The following ST3GAL1 variants were observed in gnomAD, a reference collection of about 807,000 sequenced individuals.
ST3GAL1 encodes ST3 beta-galactoside alpha-2,3-sialyltransferase 1.
A neutral mutation model predicts 34.1 loss-of-function variants in ST3GAL1; 16 were observed. The ratio of observed to expected loss-of-function variants is 0.47; its 90% CI spans 0.32 to 0.71. The LOEUF (loss-of-function observed/expected upper bound fraction) is 0.71, where lower values mean the gene tolerates loss of function less well. Ranked by LOEUF, ST3GAL1 falls within the 30% of genes least tolerant of loss-of-function variation. The pLI, the probability that ST3GAL1 is intolerant of heterozygous loss-of-function variation, is 0.04. For missense variants in ST3GAL1, 353 were observed against 447.4 expected (o/e 0.79, Z 1.90); for synonymous variants, 191 against 184.7 (o/e 1.03, Z -0.28).
At chr8:133,513,193 C>A (rs1463461066) in intron 2 of ST3GAL1, among the ~76,000 whole-genome samples, 2 of 152,204 alleles carry the variant, frequency 1.3e-5, no homozygotes, top group Non-Finnish European at 2.9e-5. Flanking sequence ...CCCACCCCAG[C>A]CCTGCTGAAG....
In ST3GAL1 at chr8:133,543,225, A is replaced by G. The variant is rs367736335; in HGVS notation, c.-429+2549T>C. On this transcript the variant is annotated intron_variant, in intron 2 of 9. Transcript: ENST00000522652. ...CATCAGAAAAGCCAAAATTGAGTGC[A>G]TTCTATCAAATAACTGGCCTGAACT... Among the ~76,000 whole-genome samples the G allele has an allele frequency of 1.4e-4, 22 of 152,358 alleles. No individual in the cohort carries two copies. In the East Asian group the frequency reaches 2.3e-3, roughly 16 times the overall value.
In ST3GAL1 at chr8:133,475,982, G is replaced by A. The variant is rs1322042260; in HGVS notation, c.43C>T (p.Leu15Phe). 4.3e-6 allele frequency: 7 copies of A among 1,611,928 alleles called. No homozygotes were observed. Among genetic ancestry groups the A allele is most frequent in the Non-Finnish European group, 5.1e-6 (6 of 1,178,850 alleles). Reference sequence around the variant, plus strand: ...GAGGTGAGGAAGATGAAGAGCACGAGGAAGGTGAGCACTTTCAGGGTCCTC... The same window carrying A: ...GAGGTGAGGAAGATGAAGAGCACGAAGAAGGTGAGCACTTTCAGGGTCCTC... ...RKRTLKVLTF[L>F]VLFIFLTSFF... Residue 15 changes from leucine (L) to phenylalanine (F), a missense_variant, in exon 5 of 10, where the codon CTC becomes TTC. By Grantham distance (22) the Leu-to-Phe change is conservative. Transcript: ENST00000522652.
chr8:133,495,483 A>C (rs1480461512), intron 3 of ST3GAL1, among the ~76,000 whole-genome samples: 1 of 152,256 alleles, frequency 6.6e-6, no homozygotes, highest in African/African-American at 2.4e-5. Context: ...TTAAATTGTT[A>C]GACGTAGGAT....
intron 2 of ST3GAL1, among the ~76,000 whole-genome samples, chr8:133,542,236 G>C (rs1818556994): frequency 6.6e-6 from 1 of 152,114 alleles, no homozygotes; most frequent in South Asian, 2.1e-4. Context: ...CATTTTCCAT[G>C]GAAAGGAACC....
At chr8:133,497,362 A>T (rs1816983121) in intron 3 of ST3GAL1, among the ~76,000 whole-genome samples, 1 of 152,036 alleles carries the variant, frequency 6.6e-6, no homozygotes, top group Admixed American at 6.5e-5. Context: ...AAACTTCACC[A>T]AACACAGAAA....
intron 2 of ST3GAL1, among the ~76,000 whole-genome samples, chr8:133,520,438 T>C (rs978206703): frequency 5.9e-5 from 9 of 152,194 alleles, no homozygotes; most frequent in African/African-American, 1.4e-4. Context: ...TGAAACAATT[T>C]AGATCATCAG....
At chr8:133,474,301 T>C (rs567369740) in intron 5 of ST3GAL1, among the ~76,000 whole-genome samples, 1 of 152,272 alleles carries the variant, frequency 6.6e-6, no homozygotes, top group Admixed American at 6.5e-5. Context: ...CTTGAGTTTG[T>C]CTGTTTTCCC....
At chr8:133,471,372 G>A (rs1464936070) in intron 5 of ST3GAL1, among the ~76,000 whole-genome samples, 1 of 152,210 alleles carries the variant, frequency 6.6e-6, no homozygotes, top group Non-Finnish European at 1.5e-5. Flanking sequence ...CGGGACAGGC[G>A]GTGCTTAGAA....
At position 133,556,654 on chromosome 8, in the gene ST3GAL1, C is replaced by A. The variant is rs560500447; in HGVS notation, c.-581-10728G>T. ...GAAAGGGAGGGAGAAAAAGAAGGAA[C>A]GAAAATGGGAAGGAAGAGAAGGGAG... is the stretch of plus-strand genomic sequence containing the variant. On this transcript the variant is annotated intron_variant, in intron 1 of 9. Coordinates refer to ENST00000522652, the MANE Select transcript of ST3GAL1 (RefSeq NM_173344.3). The surrounding 1 kb of genome is among the most constrained non-coding windows in gnomAD (Gnocchi z 8.9). Among the ~76,000 whole-genome samples the A allele has an allele frequency of 6.6e-6, 1 of 151,946 alleles. No homozygotes were observed. The highest frequency in any genetic ancestry group is 2.1e-4 in the South Asian group (1 of 4,816).
intron 3 of ST3GAL1, among the ~76,000 whole-genome samples, chr8:133,492,960 G>T (rs1240355177): frequency 2.0e-5 from 3 of 152,184 alleles, no homozygotes; most frequent in African/African-American, 7.2e-5. Flanking sequence ...ACTCTGGCAG[G>T]AGAGATAAAC....
chr8:133,459,331 A>C lies in ST3GAL1; in HGVS notation c.*433T>G, dbSNP rs1815410217. On this transcript the variant is annotated 3_prime_UTR_variant, in exon 10 of 10. Transcript: ENST00000522652. This position sits in a 1 kb window ranked among gnomAD's most constrained non-coding sequence, Gnocchi z 4.7. ...AGGGCAGCATCTCGCCCCGAGCGCC[A>C]ACACCGCCTGGCACGTCTCTGTGCT... The C allele has an allele frequency of 6.4e-6, 1 of 155,632 alleles. No individual in the cohort carries two copies. The highest frequency in any genetic ancestry group is 2.4e-5 in the African/African-American group (1 of 41,612). The allele number at this position is 155,632 out of a possible 1,614,324, so 9.6% of individuals were successfully genotyped here.
intron 2 of ST3GAL1, among the ~76,000 whole-genome samples, chr8:133,538,202 G>T (rs1481643240): frequency 1.3e-5 from 2 of 152,246 alleles, no homozygotes; most frequent in African/African-American, 4.8e-5. Context: ...TACCCAGCAT[G>T]TCAAAGGCAT....
At chr8:133,460,255 A>G (rs1320094007) in intron 9 of ST3GAL1, among the ~76,000 whole-genome samples, 1 of 152,162 alleles carries the variant, frequency 6.6e-6, no homozygotes. Flanking sequence ...GAGGAGCTAC[A>G]GAGGGAAGGA....
intron 3 of ST3GAL1, chr8:133,487,966 G>GAA (rs5895194): frequency 0.16 from 23,016 of 141,922 alleles, 2,486 homozygotes; most frequent in East Asian, 0.56. Context: ...AGACTCTGTC[G>GAA]AAAAAAAAAA....
intron 3 of ST3GAL1, among the ~76,000 whole-genome samples, chr8:133,490,917 A>G (rs1262218331): frequency 6.6e-6 from 1 of 152,126 alleles, no homozygotes; most frequent in African/African-American, 2.4e-5. Flanking sequence ...TTTCCTTTGG[A>G]GCCTGTTTCC....
At chr8:133,519,873 C>G (rs186639521) in intron 2 of ST3GAL1, among the ~76,000 whole-genome samples, 1 of 152,280 alleles carries the variant, frequency 6.6e-6, no homozygotes, top group African/African-American at 2.4e-5. Flanking sequence ...TTGCTTGAAC[C>G]TGGGAGGCAG....
chr8:133,557,685 T>C (rs1440155695), intron 1 of ST3GAL1, among the ~76,000 whole-genome samples: 1 of 152,078 alleles, frequency 6.6e-6, no homozygotes, highest in Non-Finnish European at 1.5e-5. Flanking sequence ...CTGTCTCTAC[T>C]AAAAATACAA....
chr8:133,531,976 C>T (rs888776868), intron 2 of ST3GAL1, among the ~76,000 whole-genome samples: 6 of 152,168 alleles, frequency 3.9e-5, no homozygotes, highest in African/African-American at 1.4e-4. Flanking sequence ...CTCTTTCACA[C>T]TCATTCTGTC....
At chr8:133,484,639 G>GT (rs1319503218) in intron 3 of ST3GAL1, among the ~76,000 whole-genome samples, 2 of 152,168 alleles carry the variant, frequency 1.3e-5, no homozygotes, top group Non-Finnish European at 2.9e-5. Context: ...GTGCCCCTGT[G>GT]TTATTACAAG....
Sources: allele counts gnomAD v4.1 joint callset (sites outside exome capture counted in the v4.1 genomes callset), GRCh38; gene constraint gnomAD v4.1.1; non-coding constraint Gnocchi (gnomAD v3.1); transcripts MANE v1.5; gene names NCBI Gene and HGNC (gene_info 2026-07-23, HGNC 2026-07-21).